CTNNA3: variants seen among roughly 807,000 people sequenced by gnomAD.
CTNNA3 encodes catenin alpha-3.
In CTNNA3, 76 loss-of-function variants were observed where a neutral mutation model predicts 95.7. That is an observed-to-expected ratio of 0.79 (90% CI 0.66 to 0.96). CTNNA3 has a LOEUF of 0.96. Among genes scored for constraint, CTNNA3 ranks in the 40% least tolerant of loss-of-function variants. CTNNA3 has a pLI of 0.00. For missense variants in CTNNA3, 1,191 were observed against 1,089.8 expected (o/e 1.09, Z -1.31); for synonymous variants, 431 against 374.4 (o/e 1.15, Z -1.74).
At chr10:67,612,375 G>A (rs1466107148) in intron 2 of CTNNA3, among the ~76,000 whole-genome samples, 1 of 152,088 alleles carries the variant, frequency 6.6e-6, no homozygotes, top group Non-Finnish European at 1.5e-5. Context: ...ACATTCACAA[G>A]GATTAAGTAG....
chr10:66,067,933 T>G (rs1173179828), intron 15 of CTNNA3, among the ~76,000 whole-genome samples: 1 of 151,940 alleles, frequency 6.6e-6, no homozygotes, highest in Admixed American at 6.6e-5. Flanking sequence ...AATAAAAAGT[T>G]TATCACTTTA....
At chr10:65,960,532 A>G (rs2077822115) in intron 17 of CTNNA3, among the ~76,000 whole-genome samples, 1 of 150,158 alleles carries the variant, frequency 6.7e-6, no homozygotes, top group Non-Finnish European at 1.5e-5. Context: ...CTCAACAACA[A>G]AAAAAAAGAT....
intron 3 of CTNNA3, among the ~76,000 whole-genome samples, chr10:67,542,012 G>A (rs1230865161): frequency 6.6e-6 from 1 of 152,076 alleles, no homozygotes; most frequent in Non-Finnish European, 1.5e-5. Flanking sequence ...TGGCTGGAGA[G>A]CCATATTCAG....
At chr10:66,684,539 T>C (rs4459178) in intron 9 of CTNNA3, among the ~76,000 whole-genome samples, 84,267 of 152,010 alleles carry the variant, frequency 0.55, 24,119 homozygotes, top group African/African-American at 0.68. Flanking sequence ...GCTTAGTGCT[T>C]TCTTTTTCAG....
At chr10:67,202,241 A>C (rs1455759728) in intron 6 of CTNNA3, among the ~76,000 whole-genome samples, 1 of 151,174 alleles carries the variant, frequency 6.6e-6, no homozygotes, top group Non-Finnish European at 1.5e-5. Context: ...CAAAAGTATG[A>C]AAATAAAGCC....
intron 7 of CTNNA3, among the ~76,000 whole-genome samples, chr10:67,127,488 C>T (rs542570026): frequency 1.3e-5 from 2 of 152,226 alleles, no homozygotes; most frequent in Admixed American, 1.3e-4. Context: ...GCACTGACCT[C>T]GCATTAAGAT....
At chr10:66,451,173 G>C in intron 11 of CTNNA3, among the ~76,000 whole-genome samples, 1 of 152,138 alleles carries the variant, frequency 6.6e-6, no homozygotes, top group East Asian at 1.9e-4. Context: ...ATGCTTGATT[G>C]CAATAATGAT....
chr10:66,892,966 G>A (rs1845331099), intron 7 of CTNNA3, among the ~76,000 whole-genome samples: 1 of 151,976 alleles, frequency 6.6e-6, no homozygotes, highest in Admixed American at 6.6e-5. Context: ...TAATTATATG[G>A]CTCTCAACTC....
intron 5 of CTNNA3, among the ~76,000 whole-genome samples, chr10:67,399,622 A>G (rs1844844384): frequency 6.6e-6 from 1 of 152,182 alleles, no homozygotes; most frequent in Non-Finnish European, 1.5e-5. Context: ...TCCTTGTTAA[A>G]ATAATACCTG....
At chr10:66,391,424 G>GA (rs1270401710) in intron 11 of CTNNA3, among the ~76,000 whole-genome samples, 14 of 152,152 alleles carry the variant, frequency 9.2e-5, no homozygotes, top group Non-Finnish European at 1.2e-4. Context: ...CTTGGAAACA[G>GA]AAAAAATGGA....
chr10:67,606,924 C>T lies in CTNNA3; in HGVS notation c.225G>A (p.Lys75=), dbSNP rs1843296491. The change falls in exon 3 of 18, where the codon AAG becomes AAA. Residue 75 remains lysine, a synonymous_variant. Transcript: ENST00000433211. ...TTAAAACTGTAGCTTCCTGGGCAATCTTCTCTCCCTTGTCTAATAAATTCC... is the reference window on the plus strand; with the variant it reads ...TTAAAACTGTAGCTTCCTGGGCAATTTTCTCTCCCTTGTCTAATAAATTCC... ...ATWNLLDKGE[K]IAQEATVLKD... 6.2e-7 allele frequency: 1 copy of T among 1,614,160 alleles called. No homozygotes were observed. The highest frequency in any genetic ancestry group is 1.3e-5 in the African/African-American group (1 of 75,058).
At chr10:66,214,739 C>T (rs1474125836) in intron 13 of CTNNA3, among the ~76,000 whole-genome samples, 3 of 152,048 alleles carry the variant, frequency 2.0e-5, no homozygotes, top group African/African-American at 7.2e-5. Context: ...ACTAACTTTG[C>T]CGTTTTAGTC....
intron 6 of CTNNA3, among the ~76,000 whole-genome samples, chr10:67,183,575 A>T (rs1406095685): frequency 6.6e-6 from 1 of 152,026 alleles, no homozygotes; most frequent in African/African-American, 2.4e-5. Context: ...GCATTAGGAG[A>T]TATACCTAAT....
At chr10:66,703,029 A>C (rs1175772217) in intron 9 of CTNNA3, among the ~76,000 whole-genome samples, 1 of 152,176 alleles carries the variant, frequency 6.6e-6, no homozygotes, top group Non-Finnish European at 1.5e-5. Flanking sequence ...AAAAATAATC[A>C]AGTTCTTTGA....
intron 10 of CTNNA3, among the ~76,000 whole-genome samples, chr10:66,555,388 T>C (rs1312512424): frequency 1.3e-5 from 2 of 152,140 alleles, no homozygotes; most frequent in Admixed American, 6.5e-5. Context: ...CAGTTACGTT[T>C]ACACTTAAGA....
intron 7 of CTNNA3, among the ~76,000 whole-genome samples, chr10:66,784,588 T>A (rs1476702960): frequency 6.6e-6 from 1 of 152,162 alleles, no homozygotes; most frequent in East Asian, 1.9e-4. Context: ...CATCTAATAT[T>A]TGAAAATTTC....
intron 12 of CTNNA3, among the ~76,000 whole-genome samples, chr10:66,366,760 C>T (rs149690116): frequency 0.017 from 2,575 of 152,132 alleles, 30 homozygotes; most frequent in Non-Finnish European, 0.025. Context: ...TTACTGAGCA[C>T]CTTTTAAAAA....
At chr10:66,176,681 C>T (rs1379817358) in intron 13 of CTNNA3, among the ~76,000 whole-genome samples, 1 of 152,006 alleles carries the variant, frequency 6.6e-6, no homozygotes, top group Non-Finnish European at 1.5e-5. Context: ...CCCCAGAGAG[C>T]TAGCTACCAT....
chr10:66,282,624 A>G lies in CTNNA3; in HGVS notation c.1733-2003T>C, dbSNP rs111860711. Among the ~76,000 whole-genome samples, 705 of 151,830 alleles carry G rather than the reference A, an allele frequency of 4.6e-3. 5 individuals carry two copies. The highest frequency in any genetic ancestry group is 0.016 in the African/African-American group (682 of 41,480). On this transcript the variant is annotated intron_variant, in intron 12 of 17. Transcript: ENST00000433211. Reference sequence around the variant, plus strand: ...CTGTCTCTATTCATCATCATCTACTATTTCCATCCACAGCATAGTTCTTCC... The same window carrying G: ...CTGTCTCTATTCATCATCATCTACTGTTTCCATCCACAGCATAGTTCTTCC...
Sources: gnomAD v4.1 joint callset for allele counts (sites outside exome capture counted in the v4.1 genomes callset) on GRCh38, gnomAD v4.1.1 for gene constraint, MANE v1.5 for transcripts, NCBI Gene and HGNC (gene_info 2026-07-23, HGNC 2026-07-21) for gene names.